Variants in CFAP70 observed in about 807,000 individuals in gnomAD.
CFAP70 encodes cilia and flagella associated protein 70.
In CFAP70, 81 loss-of-function variants were observed where a neutral mutation model predicts 137.6. The observed-to-expected ratio is 0.59, with a 90% CI of 0.49 to 0.71. The LOEUF (loss-of-function observed/expected upper bound fraction) is 0.71. CFAP70 is among the 30% of genes least tolerant of loss of function. The probability of loss-of-function intolerance (pLI) is 0.00; values close to 1 mark genes in which losing one functional copy is unlikely to be tolerated. For synonymous variants in CFAP70, 382 were observed against 423.6 expected (o/e 0.90, Z 1.20); for missense variants, 976 against 1,226.7 (o/e 0.80, Z 3.05).
At chr10:73,317,208 G>C (rs551249080) in intron 9 of CFAP70, among the ~76,000 whole-genome samples, 7 of 152,074 alleles carry the variant, frequency 4.6e-5, no homozygotes, top group African/African-American at 7.2e-5. Flanking sequence ...AGTAGATACA[G>C]GGTTGCATCA....
chr10:73,296,840 G>C (rs7069398), intron 15 of CFAP70: 10 of 394,826 alleles, frequency 2.5e-5, no homozygotes, highest in Non-Finnish European at 4.0e-5. Flanking sequence ...AATTGAAAGA[G>C]CATATCTCCT....
chr10:73,327,817 C>T (rs2051627992), intron 8 of CFAP70, among the ~76,000 whole-genome samples: 1 of 152,072 alleles, frequency 6.6e-6, no homozygotes, highest in Non-Finnish European at 1.5e-5. Context: ...AACTACAAAC[C>T]ACTGCTCAAC....
chr10:73,296,629 T>G (rs2048569305), intron 15 of CFAP70: 1 of 153,522 alleles, frequency 6.5e-6, no homozygotes, highest in Non-Finnish European at 1.5e-5. Context: ...ATGTTTGAAG[T>G]GTCACTGTCA....
chr10:73,325,891 G>A (rs531285988), intron 8 of CFAP70, among the ~76,000 whole-genome samples: 6 of 152,152 alleles, frequency 3.9e-5, no homozygotes, highest in African/African-American at 1.2e-4. Flanking sequence ...AATAATGAGA[G>A]ACTTTAACAC....
intron 5 of CFAP70, among the ~76,000 whole-genome samples, chr10:73,343,696 G>A (rs1339857599): frequency 6.6e-6 from 1 of 152,054 alleles, no homozygotes; most frequent in Non-Finnish European, 1.5e-5. Flanking sequence ...GCGACAGAGT[G>A]AGACTCCATC....
chr10:73,310,323 G>T, intron 11 of CFAP70, 74 bp from the exon 13 acceptor site: 1 of 964,984 alleles, frequency 1.0e-6, no homozygotes, highest in Non-Finnish European at 1.6e-6. Context: ...ATAAGATGAT[G>T]CTCACAATAT....
intron 19 of CFAP70, chr10:73,278,987 A>G (rs2047027244): frequency 6.6e-6 from 1 of 152,170 alleles, no homozygotes; most frequent in East Asian, 1.9e-4. Context: ...CTCAAAAAAA[A>G]AAAAAAAAAA....
At chr10:73,298,147 A>G (rs1286818432) in intron 14 of CFAP70, among the ~76,000 whole-genome samples, 3 of 151,066 alleles carry the variant, frequency 2.0e-5, no homozygotes, top group Non-Finnish European at 4.4e-5. Context: ...CCCAACATTG[A>G]TCTTTACTAT....
chr10:73,262,649 AT>A lies in CFAP70; in HGVS notation c.3028-6234del, dbSNP rs546926751. 2.4e-3 allele frequency among the ~76,000 whole-genome samples: 362 copies of A among 152,264 alleles called. 3 individuals are homozygous for A. The highest frequency in any genetic ancestry group is 8.0e-3 in the African/African-American group (333 of 41,562). The stretch of plus-strand genomic sequence containing the variant: ...GCATATTTAGTAGCACCTGTGGGCT[AT>A]TAGAAAAAAATTTTTAATAATTATT... On this transcript the variant is annotated intron_variant, in intron 25 of 26. Coordinates refer to ENST00000310715, the Ensembl canonical transcript of CFAP70.
rs1183987099 is a variant in CFAP70 at position 73,262,039 on chromosome 10, GTATATAT to G, written c.3028-5630_3028-5624del. The stretch of plus-strand genomic sequence containing the variant: ...ATGTATATATTATATATGTATATAT[GTATATAT>G]TATATATTATATATGTATATATGTA... On this transcript the variant is annotated intron_variant, in intron 25 of 26. Coordinates refer to ENST00000310715, the Ensembl canonical transcript of CFAP70. Among the ~76,000 whole-genome samples the G allele has an allele frequency of 3.2e-4, 43 of 135,640 alleles. No homozygotes were observed. The South Asian group carries it at 4.6e-3, about 14-fold the overall frequency. The allele number at this position is 135,640 out of a possible 152,430, so 89.0% of individuals were successfully genotyped here.
intron 1 of CFAP70, among the ~76,000 whole-genome samples, chr10:73,358,441 G>T (rs1343052069): frequency 6.6e-6 from 1 of 152,222 alleles, no homozygotes; most frequent in African/African-American, 2.4e-5. Flanking sequence ...TCTGGTCTGG[G>T]GACAAGCGCA....
rs553614786 is a variant in CFAP70, at chr10:73,349,665, G to A, written c.251-1144C>T. ...CTGTAGCATGCAGAGTATGTACAAG[G>A]TTTTTCACTGCAGCATTACTCTGTG... On this transcript the variant is annotated intron_variant, in intron 3 of 26. Coordinates refer to ENST00000310715, the Ensembl canonical transcript of CFAP70. Among the ~76,000 whole-genome samples the A allele has an allele frequency of 1.4e-4, 22 of 152,272 alleles. No homozygotes were observed. The East Asian group carries it at 4.0e-3, about 28-fold the overall frequency.
At chr10:73,344,274 T>C (rs1295125654) in intron 5 of CFAP70, among the ~76,000 whole-genome samples, 1 of 152,058 alleles carries the variant, frequency 6.6e-6, no homozygotes, top group Non-Finnish European at 1.5e-5. Context: ...CAGAATTTAA[T>C]ACATCAGCAA....
At chr10:73,267,026 A>G (rs11000573) in intron 25 of CFAP70, among the ~76,000 whole-genome samples, 2,178 of 152,032 alleles carry the variant, frequency 0.014, 31 homozygotes, top group Non-Finnish European at 0.021. Context: ...ATTACCCTCT[A>G]TTTATTGCTT....
chr10:73,267,830 C>A (rs2045911137), intron 25 of CFAP70, among the ~76,000 whole-genome samples: 1 of 152,100 alleles, frequency 6.6e-6, no homozygotes, highest in Non-Finnish European at 1.5e-5. Flanking sequence ...GAATTCAGTT[C>A]TTTGTGTTTA....
upstream of CFAP70, among the ~76,000 whole-genome samples, chr10:73,359,567 C>T (rs2054923211): frequency 6.6e-6 from 1 of 152,060 alleles, no homozygotes; most frequent in Non-Finnish European, 1.5e-5. Flanking sequence ...ATATGCAAGT[C>T]CGTGTTGATA....
upstream of CFAP70, among the ~76,000 whole-genome samples, chr10:73,362,344 G>T (rs1261604946): frequency 6.6e-6 from 1 of 152,152 alleles, no homozygotes; most frequent in African/African-American, 2.4e-5. Context: ...TTGCAATATT[G>T]ATAGAGATTG....
exon 7 of CFAP70, chr10:73,335,468 C>T (rs759387410): frequency 1.2e-6 from 2 of 1,611,766 alleles, no homozygotes; most frequent in South Asian, 1.1e-5. Flanking sequence ...AGCGACTTTC[C>T]AAGTCCCAAA....
At chr10:73,255,288 C>T (rs866534942) in intron 26 of CFAP70, among the ~76,000 whole-genome samples, 2 of 152,198 alleles carry the variant, frequency 1.3e-5, no homozygotes, top group South Asian at 4.1e-4. Context: ...CCCAGCTACT[C>T]AGGAGGCTGA....
Sources: allele counts gnomAD v4.1 joint callset (sites outside exome capture counted in the v4.1 genomes callset), GRCh38; gene constraint gnomAD v4.1.1; transcripts MANE v1.5; gene names NCBI Gene and HGNC (gene_info 2026-07-23, HGNC 2026-07-21).